Variants in GON4L observed in about 807,000 individuals in gnomAD.
GON4L encodes the protein GON-4-like protein.
In GON4L, 87 loss-of-function variants were observed where a neutral mutation model predicts 211.8. The observed-to-expected ratio is 0.41, with a 90% CI of 0.35 to 0.49. The LOEUF (loss-of-function observed/expected upper bound fraction) is 0.49, where lower values mean the gene tolerates loss of function less well. Among genes scored for constraint, GON4L ranks in the 20% least tolerant of loss-of-function variants. The pLI is 0.15. For synonymous variants in GON4L, 875 were observed against 962.6 expected (o/e 0.91, Z 1.68); for missense variants, 2,155 against 2,659.5 (o/e 0.81, Z 4.17).
chr1:155,838,601 C>T (rs985338096), intron 2 of GON4L, among the ~76,000 whole-genome samples: 17 of 151,970 alleles, frequency 1.1e-4, no homozygotes, highest in Non-Finnish European at 2.2e-4. Context: ...ATGGCAAAAC[C>T]CCATGGCTAC....
At chr1:155,830,921 G>T (rs1205530251) in intron 2 of GON4L, among the ~76,000 whole-genome samples, 1 of 152,160 alleles carries the variant, frequency 6.6e-6, no homozygotes, top group African/African-American at 2.4e-5. Flanking sequence ...GTCAGTGGAA[G>T]AGGCTCTGCC....
At position 155,856,781 on chromosome 1, in the gene GON4L, AG is replaced by A. The variant is rs113227687; in HGVS notation, c.-27+365del. On this transcript the variant is annotated intron_variant, in intron 1 of 31. Transcript: ENST00000368331. ...AGGGGAAAAAAAGAAAAAGAAAGAA[AG>A]AAAAAGAAGGAAAGAAAGACAGCTA... Among the ~76,000 whole-genome samples, 842 of 152,206 alleles carry A rather than the reference AG, an allele frequency of 5.5e-3. 7 individuals are homozygous for A. The highest frequency in any genetic ancestry group is 0.019 in the African/African-American group (795 of 41,456).
intron 3 of GON4L, among the ~76,000 whole-genome samples, chr1:155,826,507 C>T (rs906239169): frequency 6.7e-6 from 1 of 149,762 alleles, no homozygotes; most frequent in African/African-American, 2.5e-5. Flanking sequence ...CAGCGGTTGC[C>T]GTGAGCCGAG....
intron 2 of GON4L, among the ~76,000 whole-genome samples, chr1:155,833,908 A>T (rs2102363959): frequency 6.6e-6 from 1 of 151,932 alleles, no homozygotes; most frequent in Middle Eastern, 3.4e-3. Flanking sequence ...GCTCACTGCA[A>T]CCTTGAACTC....
At chr1:155,821,280 A>G (rs1490831765) in intron 5 of GON4L, among the ~76,000 whole-genome samples, 194 bp downstream of exon 5, 1 of 151,264 alleles carries the variant, frequency 6.6e-6, no homozygotes, top group Non-Finnish European at 1.5e-5. Flanking sequence ...AAAAATAATA[A>G]TAATAAAATA....
intron 2 of GON4L, among the ~76,000 whole-genome samples, chr1:155,843,568 G>A (rs1456715558): frequency 6.6e-6 from 1 of 152,114 alleles, no homozygotes; most frequent in African/African-American, 2.4e-5. Context: ...ACAAATTGTT[G>A]TGACAATGAC....
At chr1:155,808,301 A>G (rs1227185287) in intron 10 of GON4L, among the ~76,000 whole-genome samples, 1 of 152,106 alleles carries the variant, frequency 6.6e-6, no homozygotes, top group Non-Finnish European at 1.5e-5. Flanking sequence ...GGCCTCCCAA[A>G]GTGCTGGGAT....
chr1:155,767,240 T>A (rs879879322), intron 20 of GON4L, 185 bp downstream of exon 20: 280 of 1,367,378 alleles, frequency 2.0e-4, no homozygotes, highest in Non-Finnish European at 2.5e-4. Context: ...TACCTATTAT[T>A]TTGAAAATGC....
chr1:155,750,779 T>C, intron 31 of GON4L, 46 bp from the exon 32 acceptor site: 1 of 1,541,636 alleles, frequency 6.5e-7, no homozygotes, highest in Admixed American at 2.0e-5. Context: ...TTTTTTTGTT[T>C]TTGAGACGGA....
chr1:155,800,850 GA>G (rs751271183), intron 11 of GON4L, among the ~76,000 whole-genome samples: 3,085 of 49,038 alleles, frequency 0.063, 78 homozygotes, highest in African/African-American at 0.18. Flanking sequence ...CTCTGTCTCA[GA>G]AAAAAAAAAA....
At chr1:155,845,163 A>T (rs1671115341) in intron 2 of GON4L, among the ~76,000 whole-genome samples, 2 of 152,246 alleles carry the variant, frequency 1.3e-5, no homozygotes, top group African/African-American at 4.8e-5. Context: ...AGCACTGGCC[A>T]GAGAGCCTGC....
intron 2 of GON4L, among the ~76,000 whole-genome samples, chr1:155,829,667 T>A (rs1449180102): frequency 6.6e-6 from 1 of 152,202 alleles, no homozygotes; most frequent in Non-Finnish European, 1.5e-5. Context: ...GTTATCAACA[T>A]ACAGTTCTCA....
intron 17 of GON4L, among the ~76,000 whole-genome samples, chr1:155,774,034 A>C (rs1462481610): frequency 6.6e-6 from 1 of 152,224 alleles, no homozygotes; most frequent in Non-Finnish European, 1.5e-5. Context: ...TTAAAATAGA[A>C]TCCAAAGACA....
intron 2 of GON4L, among the ~76,000 whole-genome samples, chr1:155,838,942 C>T (rs1262343898): frequency 5.9e-5 from 9 of 151,718 alleles, no homozygotes; most frequent in Non-Finnish European, 8.8e-5. Context: ...TATAGGGAAA[C>T]ATTTTACAAT....
intron 14 of GON4L, among the ~76,000 whole-genome samples, chr1:155,778,100 A>G (rs927095123): frequency 6.6e-6 from 1 of 152,190 alleles, no homozygotes; most frequent in South Asian, 2.1e-4. Context: ...AATGCTAGGA[A>G]CAGAGAAATA....
intron 13 of GON4L, 115 bp from the exon 14 acceptor site, chr1:155,784,204 C>A: frequency 7.3e-7 from 1 of 1,371,550 alleles, no homozygotes; most frequent in South Asian, 1.2e-5. Flanking sequence ...ATGCTGGCAC[C>A]CAGAAAGAGC....
At chr1:155,811,414 A>AAG (rs1667756845) in intron 10 of GON4L, among the ~76,000 whole-genome samples, 1 of 149,528 alleles carries the variant, frequency 6.7e-6, no homozygotes, top group East Asian at 2.0e-4. Context: ...AAAAAAAAAA[A>AAG]AAAGAAAGAA....
chr1:155,848,870 G>A (rs573437761), intron 2 of GON4L, among the ~76,000 whole-genome samples: 8 of 152,180 alleles, frequency 5.3e-5, no homozygotes, highest in East Asian at 3.8e-4. Flanking sequence ...ATTGTAGGTC[G>A]GGCGCGGTGG....
rs1491289229 is a variant in GON4L, at chr1:155,810,008, A to ATATATATT, written c.1452+3625_1452+3626insAATATATA. ...TATATATAATTATATATATATATATATTTTTGAAATGTAGTCTTGCTCTGT... is the reference window on the plus strand; with the variant it reads ...TATATATAATTATATATATATATATATATATATTTTTTTGAAATGTAGTCTTGCTCTGT... On this transcript the variant is annotated intron_variant, in intron 10 of 31. Transcript: ENST00000368331. 3.6e-4 allele frequency among the ~76,000 whole-genome samples: 39 copies of ATATATATT among 107,918 alleles called. 1 individual carries two copies. The highest frequency in any genetic ancestry group is 8.4e-4 in the African/African-American group (24 of 28,488). The allele number at this position is 107,918 out of a possible 152,430, so 70.8% of individuals were successfully genotyped here.
Sources: allele counts gnomAD v4.1 joint callset (sites outside exome capture counted in the v4.1 genomes callset), GRCh38; gene constraint gnomAD v4.1.1; transcripts MANE v1.5; gene names NCBI Gene and HGNC (gene_info 2026-07-23, HGNC 2026-07-21).